ENTREP2: variants seen among roughly 807,000 people sequenced by gnomAD.
The protein encoded by ENTREP2 is protein ENTREP2.
the ENTREP2 span, among the ~76,000 whole-genome samples, chr15:29,594,350 A>T: frequency 6.6e-6 from 1 of 152,106 alleles, no homozygotes; most frequent in Non-Finnish European, 1.5e-5. Context: ...GGCTTTTACA[A>T]GTTTCCTAGC....
At chr15:29,615,247 C>T in the ENTREP2 span, among the ~76,000 whole-genome samples, 1 of 151,820 alleles carries the variant, frequency 6.6e-6, no homozygotes, top group Non-Finnish European at 1.5e-5. Flanking sequence ...CCTCTGCCTT[C>T]CGGGTTCAAG....
At chr15:29,597,462 G>T in the ENTREP2 span, among the ~76,000 whole-genome samples, 1 of 152,016 alleles carries the variant, frequency 6.6e-6, no homozygotes, top group Non-Finnish European at 1.5e-5. Flanking sequence ...CAGCTACTCA[G>T]GAGGCTGAGG....
At chr15:29,531,628 G>A in the ENTREP2 span, among the ~76,000 whole-genome samples, 22 of 152,278 alleles carry the variant, frequency 1.4e-4, no homozygotes, top group South Asian at 1.2e-3. Flanking sequence ...ACAACTGCAC[G>A]TACTTCAACA....
At chr15:29,220,839 A>T in the ENTREP2 span, among the ~76,000 whole-genome samples, 1 of 151,822 alleles carries the variant, frequency 6.6e-6, no homozygotes, top group African/African-American at 2.4e-5. Flanking sequence ...CCTGCTTTTC[A>T]TTTCTAGCAT....
At chr15:29,344,876 C>T in the ENTREP2 span, among the ~76,000 whole-genome samples, 1 of 150,736 alleles carries the variant, frequency 6.6e-6, no homozygotes, top group Non-Finnish European at 1.5e-5. Context: ...CATTATAGAG[C>T]CAGGTAAACT....
At chr15:29,489,500 C>CTTTGACTT in the ENTREP2 span, among the ~76,000 whole-genome samples, 1 of 151,558 alleles carries the variant, frequency 6.6e-6, no homozygotes, top group African/African-American at 2.4e-5. Flanking sequence ...AACTTTGATT[C>CTTTGACTT]TGTATGTGCG....
At chr15:29,498,640 GTTCTGTAT>G in the ENTREP2 span, among the ~76,000 whole-genome samples, 2,060 of 152,202 alleles carry the variant, frequency 0.014, 41 homozygotes, top group African/African-American at 0.047. Context: ...TGAATAGAAT[GTTCTGTAT>G]TTCTGTATAT....
At chr15:29,164,648 C>T in the ENTREP2 span, among the ~76,000 whole-genome samples, 2 of 152,110 alleles carry the variant, frequency 1.3e-5, no homozygotes, top group East Asian at 3.8e-4. Flanking sequence ...AAAATATATG[C>T]ATCTAACACT....
the ENTREP2 span, among the ~76,000 whole-genome samples, chr15:29,206,558 C>T: frequency 3.9e-5 from 6 of 152,050 alleles, no homozygotes; most frequent in Non-Finnish European, 7.4e-5. Context: ...GATCACACCC[C>T]GCATGATTCC....
At chr15:29,618,407 T>C in the ENTREP2 span, among the ~76,000 whole-genome samples, 1 of 146,970 alleles carries the variant, frequency 6.8e-6, no homozygotes, top group African/African-American at 2.5e-5. Flanking sequence ...CAGGCGACAG[T>C]GTGAGACTCT....
the ENTREP2 span, among the ~76,000 whole-genome samples, chr15:29,156,639 C>T: frequency 6.6e-6 from 1 of 152,086 alleles, no homozygotes; most frequent in African/African-American, 2.4e-5. Context: ...AAGCAGAGCC[C>T]AGGAGGAGGC....
the ENTREP2 span, among the ~76,000 whole-genome samples, chr15:29,314,295 C>T: frequency 5.9e-5 from 9 of 152,314 alleles, no homozygotes; most frequent in East Asian, 1.5e-3. Flanking sequence ...CGCTATCAAA[C>T]AGCATTGCAT....
chr15:29,471,694 C>T, the ENTREP2 span, among the ~76,000 whole-genome samples: 3 of 152,226 alleles, frequency 2.0e-5, no homozygotes, highest in African/African-American at 2.4e-5. Context: ...GCCCCGCACC[C>T]GCCAGTAGGA....
chr15:29,160,010 C>G, the ENTREP2 span, among the ~76,000 whole-genome samples: 1 of 152,232 alleles, frequency 6.6e-6, no homozygotes, highest in Non-Finnish European at 1.5e-5. Context: ...CGCACAGGAG[C>G]CCACGGAGAC....
the ENTREP2 span, among the ~76,000 whole-genome samples, chr15:29,440,709 GCCT>G: frequency 6.6e-6 from 1 of 152,118 alleles, no homozygotes; most frequent in African/African-American, 2.4e-5. Context: ...GGGCCTCCCT[GCCT>G]CTTCCACTGT....
At chr15:29,333,363 G>A in the ENTREP2 span, among the ~76,000 whole-genome samples, 8,417 of 152,262 alleles carry the variant, frequency 0.055, 320 homozygotes, top group East Asian at 0.17. Flanking sequence ...GGCCTGCAGA[G>A]AAGACAGGAG....
chr15:29,479,091 C>G, the ENTREP2 span, among the ~76,000 whole-genome samples: 2 of 149,886 alleles, frequency 1.3e-5, no homozygotes, highest in Non-Finnish European at 3.0e-5. Flanking sequence ...CCTGTAGTCC[C>G]AGCTACTTGG....
At chr15:29,138,363 G>A in the ENTREP2 span, among the ~76,000 whole-genome samples, 3 of 152,208 alleles carry the variant, frequency 2.0e-5, no homozygotes, top group African/African-American at 4.8e-5. Context: ...CTGCCCAGAG[G>A]TCACCTGTGG....
chr15:29,390,695 G>C, the ENTREP2 span, among the ~76,000 whole-genome samples: 2 of 152,164 alleles, frequency 1.3e-5, no homozygotes, highest in Non-Finnish European at 1.5e-5. Context: ...TGGACACAGA[G>C]GTCTGGAATA....
Sources: gnomAD v4.1 joint callset for allele counts (sites outside exome capture counted in the v4.1 genomes callset) on GRCh38, gnomAD v4.1.1 for gene constraint, MANE v1.5 for transcripts, NCBI Gene and HGNC (gene_info 2026-07-23, HGNC 2026-07-21) for gene names.